CHRM2: variants seen among roughly 807,000 people sequenced by gnomAD.
CHRM2 encodes the protein muscarinic acetylcholine receptor M2.
Under a neutral mutation model 25.0 loss-of-function variants are expected in CHRM2, and 8 were observed. The observed-to-expected ratio is 0.32, with a 90% CI of 0.19 to 0.58. CHRM2 has a LOEUF of 0.58. CHRM2 is among the 20% of genes least tolerant of loss of function. CHRM2 has a pLI of 0.88. For synonymous variants in CHRM2, 202 were observed against 205.7 expected, an observed-to-expected ratio of 0.98 and a Z score of 0.15; for missense variants, 440 against 567.1, an observed-to-expected ratio of 0.78 and a Z score of 2.28.
At chr7:136,908,350 CAA>C (rs1797667883) in intron 2 of CHRM2, among the ~76,000 whole-genome samples, 1 of 151,894 alleles carries the variant, frequency 6.6e-6, no homozygotes, top group African/African-American at 2.4e-5. Context: ...AATACCACCT[CAA>C]TACTTTAGCA....
At chr7:136,978,594 C>T (rs1802267362) in intron 2 of CHRM2, among the ~76,000 whole-genome samples, 2 of 152,144 alleles carry the variant, frequency 1.3e-5, no homozygotes, top group Non-Finnish European at 2.9e-5. Flanking sequence ...AATGCTATCC[C>T]TTCCCTTGAC....
At chr7:137,000,600 A>T (rs1803966326) in intron 3 of CHRM2, among the ~76,000 whole-genome samples, 1 of 77,744 alleles carries the variant, frequency 1.3e-5, no homozygotes, top group Non-Finnish European at 3.0e-5. Context: ...AGGGAAAAAA[A>T]GCAAGTAAAC....
chr7:136,918,063 G>A (rs911463517), intron 2 of CHRM2, among the ~76,000 whole-genome samples: 3 of 151,998 alleles, frequency 2.0e-5, no homozygotes, highest in African/African-American at 7.2e-5. Context: ...TTTAAGGAAT[G>A]GGGAAAATGA....
chr7:136,976,233 T>A (rs1802097673), intron 2 of CHRM2, among the ~76,000 whole-genome samples: 1 of 152,118 alleles, frequency 6.6e-6, no homozygotes, highest in African/African-American at 2.4e-5. Context: ...AAGTATTGCA[T>A]GACATAGAAG....
intron 2 of CHRM2, among the ~76,000 whole-genome samples, chr7:136,936,935 T>C (rs1799444698): frequency 1.3e-5 from 2 of 152,328 alleles, no homozygotes; most frequent in Middle Eastern, 3.4e-3. Flanking sequence ...TGCTGAATTT[T>C]AGACAGACCA....
chr7:136,951,361 T>C (rs527592625), intron 2 of CHRM2, among the ~76,000 whole-genome samples: 2 of 152,312 alleles, frequency 1.3e-5, no homozygotes, highest in East Asian at 3.9e-4. Flanking sequence ...GTAGATTTGA[T>C]GTGAAACCTT....
chr7:136,948,239 C>T (rs971420810), intron 2 of CHRM2, among the ~76,000 whole-genome samples: 5 of 151,762 alleles, frequency 3.3e-5, no homozygotes, highest in African/African-American at 1.2e-4. Context: ...TTAAGAGAAA[C>T]ATTATTAACT....
chr7:136,893,085 C>A (rs1796757850), intron 2 of CHRM2, among the ~76,000 whole-genome samples: 1 of 152,184 alleles, frequency 6.6e-6, no homozygotes, highest in South Asian at 2.1e-4. Context: ...ATGTCTCTCT[C>A]TCTTGTTCTT....
chr7:136,907,260 T>C (rs141057584), intron 2 of CHRM2, among the ~76,000 whole-genome samples: 38 of 152,050 alleles, frequency 2.5e-4, no homozygotes, highest in African/African-American at 9.2e-4. Context: ...ACCCCTGCTT[T>C]AGATGACTAC....
chr7:137,006,433 G>A (rs764131058), intron 3 of CHRM2, among the ~76,000 whole-genome samples: 1 of 152,028 alleles, frequency 6.6e-6, no homozygotes, highest in African/African-American at 2.4e-5. Flanking sequence ...AAGATAGCTT[G>A]GCTGACATGG....
chr7:136,975,105 C>A (rs909651299), intron 2 of CHRM2, among the ~76,000 whole-genome samples: 13 of 152,116 alleles, frequency 8.5e-5, no homozygotes, highest in African/African-American at 1.2e-4. Context: ...CAATAATAAG[C>A]AATTTAAAGC....
intron 2 of CHRM2, among the ~76,000 whole-genome samples, chr7:136,973,695 GTAA>G (rs72254520): frequency 0.015 from 2,225 of 150,862 alleles, 66 homozygotes; most frequent in African/African-American, 0.052. Context: ...ATGGTTGTAG[GTAA>G]TGATGATGAT....
intron 3 of CHRM2, among the ~76,000 whole-genome samples, chr7:136,995,789 T>G (rs1415190680): frequency 6.6e-6 from 1 of 151,716 alleles, no homozygotes; most frequent in Non-Finnish European, 1.5e-5. Context: ...AAATAAAATT[T>G]TAAAAAATAA....
chr7:136,953,864 C>A (rs1345817243), intron 2 of CHRM2, among the ~76,000 whole-genome samples: 2 of 152,132 alleles, frequency 1.3e-5, no homozygotes, highest in Non-Finnish European at 2.9e-5. Context: ...CAACACTAAC[C>A]ATGGAGGCAA....
chr7:136,910,090 G>A (rs897054087), intron 2 of CHRM2, among the ~76,000 whole-genome samples: 1 of 151,756 alleles, frequency 6.6e-6, no homozygotes, highest in Non-Finnish European at 1.5e-5. Context: ...CTAGGGCCAG[G>A]GAGGCAGGTA....
intron 2 of CHRM2, among the ~76,000 whole-genome samples, chr7:136,979,531 C>G (rs1802341312): frequency 1.3e-5 from 2 of 152,140 alleles, no homozygotes; most frequent in South Asian, 4.1e-4. Flanking sequence ...AGGCCTATAT[C>G]CGTAATGGTA....
At chr7:136,986,285 C>T (rs1802848682) in intron 2 of CHRM2, among the ~76,000 whole-genome samples, 1 of 151,964 alleles carries the variant, frequency 6.6e-6, no homozygotes, top group African/African-American at 2.4e-5. Flanking sequence ...CATCTTACTC[C>T]CTTTCCTTCT....
intron 3 of CHRM2, among the ~76,000 whole-genome samples, chr7:136,999,326 T>C (rs184236823): frequency 9.8e-5 from 15 of 152,296 alleles, no homozygotes; most frequent in African/African-American, 3.4e-4. Context: ...GGCACACGTT[T>C]ATTTATGTAA....
chr7:136,986,334 A>G (rs947188080), intron 2 of CHRM2, among the ~76,000 whole-genome samples: 4 of 152,122 alleles, frequency 2.6e-5, no homozygotes, highest in East Asian at 1.9e-4. Flanking sequence ...TAAATTATCT[A>G]TATTAGTACT....
Sources: allele counts gnomAD v4.1 joint callset (sites outside exome capture counted in the v4.1 genomes callset), GRCh38; gene constraint gnomAD v4.1.1; transcripts MANE v1.5; gene names NCBI Gene and HGNC (gene_info 2026-07-23, HGNC 2026-07-21).